DENND1A: variants seen among roughly 807,000 people sequenced by gnomAD.
The protein encoded by DENND1A is DENN domain-containing protein 1A.
Under a neutral mutation model 113.7 loss-of-function variants are expected in DENND1A, and 51 were observed. That is an observed-to-expected ratio of 0.45 (90% CI 0.36 to 0.57). The LOEUF is 0.57. Ranked by LOEUF, DENND1A falls within the 20% of genes least tolerant of loss-of-function variation. The probability of loss-of-function intolerance (pLI) is 0.00; values close to 1 mark genes in which losing one functional copy is unlikely to be tolerated. For synonymous variants in DENND1A, 565 were observed against 570.8 expected, an observed-to-expected ratio of 0.99 and a Z score of 0.14; for missense variants, 1,258 against 1,395.9, an observed-to-expected ratio of 0.90 and a Z score of 1.57.
intron 1 of DENND1A, among the ~76,000 whole-genome samples, chr9:123,886,025 G>A (rs600328): frequency 0.086 from 13,115 of 152,114 alleles, 944 homozygotes; most frequent in African/African-American, 0.2. Context: ...TTATCTGCCC[G>A]TCTCAGCCTC....
intron 5 of DENND1A, among the ~76,000 whole-genome samples, chr9:123,735,568 T>C (rs898877032): frequency 3.9e-5 from 6 of 152,186 alleles, no homozygotes; most frequent in African/African-American, 1.4e-4. Context: ...CCACACTCAG[T>C]ATTTGCCTGA....
chr9:123,518,318 C>G (rs1338922323), intron 13 of DENND1A, among the ~76,000 whole-genome samples: 1 of 152,214 alleles, frequency 6.6e-6, no homozygotes, highest in African/African-American at 2.4e-5. Context: ...ATTATAAAGA[C>G]AGCCATGTGT....
chr9:123,811,315 G>A (rs1285744435), intron 2 of DENND1A, among the ~76,000 whole-genome samples: 1 of 152,176 alleles, frequency 6.6e-6, no homozygotes, highest in Non-Finnish European at 1.5e-5. Context: ...GAAACATCTG[G>A]AGACTGAAGG....
chr9:123,465,377 T>A (rs1358622191), intron 13 of DENND1A, among the ~76,000 whole-genome samples: 1 of 148,552 alleles, frequency 6.7e-6, no homozygotes, highest in East Asian at 2.0e-4. Context: ...TTCTATTTGA[T>A]CAATTTAGAT....
chr9:123,381,089 G>A lies in DENND1A; in HGVS notation c.*343C>T, dbSNP rs1377584225. The A allele has an allele frequency of 2.4e-5, 7 of 296,018 alleles. No homozygotes were observed. The highest frequency in any genetic ancestry group is 4.5e-5 in the Non-Finnish European group (7 of 156,240). 18.3% of individuals were successfully genotyped at this position (296,018 alleles called of 1,614,324 possible). A position where few individuals can be genotyped will look rare whatever the true frequency, so the allele number is the denominator to read the frequency against. On this transcript the variant is annotated 3_prime_UTR_variant, in exon 24 of 24. Coordinates refer to ENST00000394215, the MANE Select transcript of DENND1A (RefSeq NM_001352964.2). This position sits in a 1 kb window ranked among gnomAD's most constrained non-coding sequence, Gnocchi z 4.7. ...AGGGGAGGCCTTCGGAGCCTCTTGG[G>A]ACACTTCCGGGGGAAGGTGGGTAGG... is the stretch of plus-strand genomic sequence containing the variant.
chr9:123,422,883 G>A lies in DENND1A; in HGVS notation c.1489-11054C>T, dbSNP rs1002634792. Among the ~76,000 whole-genome samples the A allele has an allele frequency of 1.3e-5, 2 of 152,128 alleles. No homozygotes were observed. Among genetic ancestry groups the A allele is most frequent in the African/African-American group, 4.8e-5 (2 of 41,422 alleles). The stretch of plus-strand genomic sequence containing the variant: ...TTACCGCAGCAGCCCCTGAGCCCTC[G>A]GAGAACAAACAGGAACCCAAGGTGC... On this transcript the variant is annotated intron_variant, in intron 19 of 23. Transcript: ENST00000394215. This position sits in a 1 kb window ranked among gnomAD's most constrained non-coding sequence, Gnocchi z 4.8.
intron 19 of DENND1A, among the ~76,000 whole-genome samples, chr9:123,431,417 G>A (rs975211203): frequency 6.6e-6 from 1 of 152,174 alleles, no homozygotes. Flanking sequence ...TACCAGAACA[G>A]TCTCACTTGT....
intron 13 of DENND1A, among the ~76,000 whole-genome samples, chr9:123,475,325 G>A (rs780333009): frequency 2.0e-5 from 3 of 152,270 alleles, no homozygotes; most frequent in South Asian, 2.1e-4. Flanking sequence ...GGCCTGTTGC[G>A]TGGTTTAAAA....
chr9:123,380,100 ACCCCCTTGT>A lies in DENND1A; in HGVS notation c.*1323_*1331del, dbSNP rs2042200434. ...GGCTCCCTGGGTGACATCTCCAGAG[ACCCCCTTGT>A]CCCCCAGACACCCCTGGGTAGACTG... On this transcript the variant is annotated 3_prime_UTR_variant, in exon 24 of 24. Transcript: ENST00000394215. 6.6e-6 allele frequency: 1 copy of A among 151,750 alleles called. No homozygotes were observed. Among genetic ancestry groups the A allele is most frequent in the Non-Finnish European group, 1.5e-5 (1 of 67,932 alleles). 9.4% of individuals were successfully genotyped at this position (151,750 alleles called of 1,614,324 possible). A position where few individuals can be genotyped will look rare whatever the true frequency, so the allele number is the denominator to read the frequency against.
intron 10 of DENND1A, among the ~76,000 whole-genome samples, chr9:123,619,586 A>C (rs1589381996): frequency 1.3e-5 from 2 of 152,020 alleles, no homozygotes; most frequent in African/African-American, 4.8e-5. Context: ...CACCTGGCTA[A>C]TTTTTGTATT....
At chr9:123,470,000 C>T (rs1276607785) in intron 13 of DENND1A, among the ~76,000 whole-genome samples, 2 of 152,170 alleles carry the variant, frequency 1.3e-5, no homozygotes, top group Admixed American at 1.3e-4. Context: ...TCAATGGCCA[C>T]TCAGGGCTGC....
At chr9:123,548,246 C>A (rs943419997) in intron 13 of DENND1A, among the ~76,000 whole-genome samples, 1 of 152,120 alleles carries the variant, frequency 6.6e-6, no homozygotes, top group Admixed American at 6.6e-5. Context: ...CAGATGACCA[C>A]TAAAATGGGA....
chr9:123,655,550 C>CGGAG (rs1288439649), intron 8 of DENND1A, among the ~76,000 whole-genome samples: 1 of 152,064 alleles, frequency 6.6e-6, no homozygotes, highest in Non-Finnish European at 1.5e-5. Flanking sequence ...CTGGGAATGG[C>CGGAG]GGAGGGAGGG....
At chr9:123,860,891 A>T (rs1048569178) in intron 2 of DENND1A, among the ~76,000 whole-genome samples, 2 of 152,204 alleles carry the variant, frequency 1.3e-5, no homozygotes, top group African/African-American at 4.8e-5. Flanking sequence ...TTCGTAATTA[A>T]TGTTTTGTGG....
At chr9:123,780,928 T>C (rs898263768) in intron 3 of DENND1A, among the ~76,000 whole-genome samples, 35 of 152,308 alleles carry the variant, frequency 2.3e-4, no homozygotes, top group Non-Finnish European at 8.8e-5. Flanking sequence ...TATGCAGATA[T>C]TATCCTCCTA....
In DENND1A at chr9:123,803,325, T is replaced by C. The variant is rs143524499; in HGVS notation, c.89-10695A>G. Among the ~76,000 whole-genome samples, 178 of 152,354 alleles carry C rather than the reference T, an allele frequency of 1.2e-3. 1 individual carries two copies. Among genetic ancestry groups the C allele is most frequent in the South Asian group, 1.2e-3 (6 of 4,826 alleles). ...GTGGTTAGTAACTGTAAGTGAGCTTTAATGCAACTCAGTAATTATAACACA... is the reference window on the plus strand; with the variant it reads ...GTGGTTAGTAACTGTAAGTGAGCTTCAATGCAACTCAGTAATTATAACACA... On this transcript the variant is annotated intron_variant, in intron 2 of 23. Transcript: ENST00000394215.
intron 12 of DENND1A, among the ~76,000 whole-genome samples, chr9:123,574,968 C>T (rs1310533335): frequency 6.6e-6 from 1 of 152,236 alleles, no homozygotes; most frequent in Non-Finnish European, 1.5e-5. Context: ...CAGGATCCTA[C>T]ATTGCATTTA....
chr9:123,415,980 G>A (rs148293581), intron 19 of DENND1A, among the ~76,000 whole-genome samples: 120 of 152,240 alleles, frequency 7.9e-4, no homozygotes, highest in African/African-American at 2.5e-3. Flanking sequence ...GGAAGAGGGG[G>A]TAAGGGGATG....
chr9:123,790,500 T>C (rs1039198115), intron 3 of DENND1A, among the ~76,000 whole-genome samples: 3 of 152,130 alleles, frequency 2.0e-5, no homozygotes, highest in Non-Finnish European at 4.4e-5. Context: ...TGAGGACCAT[T>C]CTCCAAATTT....
Sources: gnomAD v4.1 joint callset for allele counts (sites outside exome capture counted in the v4.1 genomes callset) on GRCh38, gnomAD v4.1.1 for gene constraint, Gnocchi (gnomAD v3.1) non-coding constraint, MANE v1.5 for transcripts, NCBI Gene and HGNC (gene_info 2026-07-23, HGNC 2026-07-21) for gene names.